The following KIAA1328 variants were observed in gnomAD, a reference collection of about 807,000 sequenced individuals.
KIAA1328 encodes KIAA1328.
A neutral mutation model predicts 68.1 loss-of-function variants in KIAA1328; 52 were observed. The ratio of observed to expected loss-of-function variants is 0.76; its 90% CI spans 0.61 to 0.96. KIAA1328 has a LOEUF of 0.96. Among genes scored for constraint, KIAA1328 ranks in the 40% least tolerant of loss-of-function variants. The pLI is 0.00. For missense variants in KIAA1328, 641 were observed against 677.6 expected (o/e 0.95, Z 0.60); for synonymous variants, 232 against 239.4 (o/e 0.97, Z 0.28).
intron 7 of KIAA1328, among the ~76,000 whole-genome samples, chr18:37,112,100 G>C (rs1188540010): frequency 6.6e-6 from 1 of 152,202 alleles, no homozygotes; most frequent in African/African-American, 2.4e-5. Flanking sequence ...CGGGGGCAAG[G>C]CATAGCTGAA....
chr18:36,974,518 A>G (rs553875802), intron 6 of KIAA1328, among the ~76,000 whole-genome samples: 21 of 152,314 alleles, frequency 1.4e-4, no homozygotes, highest in South Asian at 4.1e-4. Flanking sequence ...CATTGTGTAT[A>G]TACCACATTT....
At chr18:37,039,668 C>T (rs965743611) in intron 6 of KIAA1328, among the ~76,000 whole-genome samples, 21 of 152,164 alleles carry the variant, frequency 1.4e-4, no homozygotes, top group Admixed American at 1.2e-3. Flanking sequence ...GCCTCGGCCT[C>T]CCAGAGTGCT....
At chr18:37,058,502 C>A (rs2056013629) in intron 6 of KIAA1328, among the ~76,000 whole-genome samples, 1 of 152,106 alleles carries the variant, frequency 6.6e-6, no homozygotes, top group Non-Finnish European at 1.5e-5. Flanking sequence ...TGCCTGTGCT[C>A]AGGAGTTTGA....
chr18:36,840,146 G>C (rs2046810566), intron 3 of KIAA1328, among the ~76,000 whole-genome samples: 1 of 152,114 alleles, frequency 6.6e-6, no homozygotes, highest in Non-Finnish European at 1.5e-5. Flanking sequence ...ACCTACCTTA[G>C]CCCTGAAAAC....
At chr18:37,229,473 G>A (rs1010418452), downstream of KIAA1328, 7 of 991,818 alleles carry the variant, frequency 7.1e-6, no homozygotes, top group Non-Finnish European at 7.9e-6. Flanking sequence ...AGCAAAACTT[G>A]CCAAGGTCAT....
At chr18:37,073,948 T>C (rs1220946693) in intron 7 of KIAA1328, among the ~76,000 whole-genome samples, 2 of 152,216 alleles carry the variant, frequency 1.3e-5, no homozygotes, top group African/African-American at 4.8e-5. Flanking sequence ...TATTGCATTC[T>C]GGACATTTTC....
intron 5 of KIAA1328, among the ~76,000 whole-genome samples, chr18:36,893,465 T>TTGTGTG (rs141803952): frequency 0.051 from 6,125 of 120,570 alleles, 194 homozygotes; most frequent in East Asian, 0.14. Context: ...GTGTGTGTTT[T>TTGTGTG]TGTGTGTGTG....
intron 4 of KIAA1328, among the ~76,000 whole-genome samples, chr18:36,861,501 C>T (rs928855456): frequency 6.6e-6 from 1 of 152,184 alleles, no homozygotes; most frequent in African/African-American, 2.4e-5. Flanking sequence ...AACTTGCCTG[C>T]AACTATTACA....
chr18:36,899,165 TTTACTC>T lies in KIAA1328; in HGVS notation c.448+13497_448+13502del, dbSNP rs1464257547. On this transcript the variant is annotated intron_variant, in intron 5 of 9. Transcript: ENST00000280020. ...TTATATCCCATTGAATAATTTCTCT[TTTACTC>T]TTAGTTTGCCAAGAATTTTTGTTCT... 4.0e-5 allele frequency among the ~76,000 whole-genome samples: 6 copies of T among 151,708 alleles called. No individual in the cohort carries two copies. In the South Asian group the frequency reaches 1.0e-3, roughly 26 times the overall value.
chr18:37,042,099 T>C (rs187483000), intron 6 of KIAA1328, among the ~76,000 whole-genome samples: 1 of 152,234 alleles, frequency 6.6e-6, no homozygotes, highest in East Asian at 1.9e-4. Context: ...GTTTTCACCG[T>C]GTTGCCCAGG....
chr18:36,971,865 G>A lies in KIAA1328; in HGVS notation c.576+12430G>A, dbSNP rs182224154. On this transcript the variant is annotated intron_variant, in intron 6 of 9. Transcript: ENST00000280020. Reference sequence around the variant, plus strand: ...CACTGAAGCCTACTAAAAGGTAAAGGGTGGGAGGAAGGAGAGAAGAAGAAA... The same window carrying A: ...CACTGAAGCCTACTAAAAGGTAAAGAGTGGGAGGAAGGAGAGAAGAAGAAA... Among the ~76,000 whole-genome samples, 18 of 152,184 alleles carry A rather than the reference G, an allele frequency of 1.2e-4. No individual in the cohort carries two copies. The East Asian group carries it at 3.5e-3, about 29-fold the overall frequency.
chr18:36,830,568 G>A (rs775263494), intron 1 of KIAA1328, among the ~76,000 whole-genome samples: 3 of 152,036 alleles, frequency 2.0e-5, no homozygotes, highest in Non-Finnish European at 2.9e-5. Flanking sequence ...TTCAAATATA[G>A]AATCAATGGT....
intron 9 of KIAA1328, among the ~76,000 whole-genome samples, chr18:37,219,315 G>A (rs532423300): frequency 2.0e-5 from 3 of 152,326 alleles, no homozygotes; most frequent in South Asian, 2.1e-4. Flanking sequence ...CAGTCTGTCC[G>A]TTCTCAGAGG....
At chr18:36,859,330 A>G (rs1265127086) in intron 4 of KIAA1328, among the ~76,000 whole-genome samples, 1 of 150,082 alleles carries the variant, frequency 6.7e-6, no homozygotes, top group Non-Finnish European at 1.5e-5. Flanking sequence ...TATTAAATTT[A>G]TGTTTGTTGG....
intron 5 of KIAA1328, among the ~76,000 whole-genome samples, chr18:36,888,824 C>G (rs1019749503): frequency 6.6e-5 from 10 of 151,998 alleles, no homozygotes; most frequent in African/African-American, 2.4e-4. Flanking sequence ...ATACATTTAC[C>G]TATCATACAT....
At chr18:36,971,699 G>A (rs1023426104) in intron 6 of KIAA1328, among the ~76,000 whole-genome samples, 4 of 152,126 alleles carry the variant, frequency 2.6e-5, no homozygotes, top group South Asian at 4.1e-4. Flanking sequence ...AAAAAAGAAC[G>A]AGATCATGTT....
At chr18:37,154,362 C>T (rs1019008091) in intron 7 of KIAA1328, among the ~76,000 whole-genome samples, 3 of 152,184 alleles carry the variant, frequency 2.0e-5, no homozygotes, top group African/African-American at 7.2e-5. Context: ...TATTAGAGGC[C>T]ATTCTTTCTG....
intron 6 of KIAA1328, among the ~76,000 whole-genome samples, chr18:37,042,262 T>C (rs1322081977): frequency 6.6e-6 from 1 of 152,110 alleles, no homozygotes. Flanking sequence ...AATTGTCTTA[T>C]AAGGTAATTA....
At chr18:37,161,808 T>C (rs1440786552) in intron 8 of KIAA1328, among the ~76,000 whole-genome samples, 1 of 152,098 alleles carries the variant, frequency 6.6e-6, no homozygotes, top group Non-Finnish European at 1.5e-5. Flanking sequence ...ATGAGAAAAA[T>C]ATAGTGGAAT....
Sources: gnomAD v4.1 joint callset for allele counts (sites outside exome capture counted in the v4.1 genomes callset) on GRCh38, gnomAD v4.1.1 for gene constraint, MANE v1.5 for transcripts, NCBI Gene and HGNC (gene_info 2026-07-23, HGNC 2026-07-21) for gene names.